Variants in CNTNAP2 observed in about 807,000 individuals in gnomAD.
The protein encoded by CNTNAP2 is contactin associated protein 2, also known as contactin-associated protein-like 2.
Under a neutral mutation model 155.2 loss-of-function variants are expected in CNTNAP2, and 98 were observed. The observed-to-expected ratio is 0.63, with a 90% CI of 0.54 to 0.75. The LOEUF (loss-of-function observed/expected upper bound fraction) is 0.75. CNTNAP2 is among the 30% of genes least tolerant of loss of function. The pLI is 0.00. For synonymous variants in CNTNAP2, 651 were observed against 631.2 expected (o/e 1.03, Z -0.47); for missense variants, 1,727 against 1,688.1 (o/e 1.02, Z -0.40).
At chr7:147,432,592 C>A (rs1033734441) in intron 10 of CNTNAP2, among the ~76,000 whole-genome samples, 3 of 152,148 alleles carry the variant, frequency 2.0e-5, no homozygotes, top group Non-Finnish European at 4.4e-5. Flanking sequence ...CAGTGAGCAC[C>A]AAGAAACCCC....
chr7:147,845,027 G>A (rs1297200317), intron 13 of CNTNAP2, among the ~76,000 whole-genome samples: 4 of 117,344 alleles, frequency 3.4e-5, no homozygotes, highest in African/African-American at 1.3e-4. Context: ...TTGCATCAAT[G>A]TTCATCAAGG....
At chr7:147,533,316 A>G (rs1172563935) in intron 11 of CNTNAP2, among the ~76,000 whole-genome samples, 1 of 152,174 alleles carries the variant, frequency 6.6e-6, no homozygotes, top group Non-Finnish European at 1.5e-5. Flanking sequence ...TGAATTTTTG[A>G]TGACCTGATT....
chr7:148,238,222 G>A (rs112805388), intron 20 of CNTNAP2, among the ~76,000 whole-genome samples: 3,130 of 152,256 alleles, frequency 0.021, 60 homozygotes, highest in Non-Finnish European at 0.031. Context: ...GGGGGTGCAC[G>A]CCTGTAGTCC....
At position 147,740,576 on chromosome 7, in the gene CNTNAP2, G is replaced by A. The variant is rs544577892; in HGVS notation, c.2098+101270G>A. Among the ~76,000 whole-genome samples the A allele has an allele frequency of 1.4e-4, 22 of 152,312 alleles. No homozygotes were observed. In the South Asian group the frequency reaches 4.3e-3, roughly 30 times the overall value. On this transcript the variant is annotated intron_variant, in intron 13 of 23. Transcript: ENST00000361727. ...GTTAAGTTGATCGGGTTAAGGTTCA[G>A]TTAGTCCAAGGTAGGGTTTATGAAT...
chr7:146,502,259 A>ATG, intron 1 of CNTNAP2, among the ~76,000 whole-genome samples: 1 of 128,302 alleles, frequency 7.8e-6, no homozygotes, highest in Non-Finnish European at 1.6e-5. Flanking sequence ...ATATATATAT[A>ATG]TGTCATATTT....
At chr7:146,618,914 AC>A (rs1202217367) in intron 1 of CNTNAP2, among the ~76,000 whole-genome samples, 2 of 151,964 alleles carry the variant, frequency 1.3e-5, no homozygotes, top group Non-Finnish European at 2.9e-5. Context: ...TACTAAAGAT[AC>A]AAAAATTAGC....
intron 1 of CNTNAP2, among the ~76,000 whole-genome samples, chr7:146,352,750 GTTTTTTT>G (rs531124445): frequency 4.7e-5 from 3 of 64,338 alleles, no homozygotes; most frequent in African/African-American, 1.3e-4. Flanking sequence ...GCATAATTCT[GTTTTTTT>G]TTTTTTTTTT....
chr7:146,550,404 T>TTTTG (rs1269972424), intron 1 of CNTNAP2, among the ~76,000 whole-genome samples: 4 of 100,392 alleles, frequency 4.0e-5, no homozygotes, highest in African/African-American at 1.3e-4. Flanking sequence ...TTAATCTGTT[T>TTTTG]TTTTTTTTTT....
intron 1 of CNTNAP2, among the ~76,000 whole-genome samples, chr7:146,569,110 G>T (rs1417323063): frequency 6.6e-6 from 1 of 152,044 alleles, no homozygotes; most frequent in South Asian, 2.1e-4. Context: ...GCTGCCTCCC[G>T]GGTTCACGCC....
chr7:148,274,480 A>G (rs564977790), intron 21 of CNTNAP2, among the ~76,000 whole-genome samples: 12 of 152,338 alleles, frequency 7.9e-5, no homozygotes, highest in Admixed American at 4.6e-4. Flanking sequence ...TGTTTGGATC[A>G]TGGTGGTGGA....
At chr7:147,552,106 G>A (rs1446444075) in intron 11 of CNTNAP2, among the ~76,000 whole-genome samples, 1 of 152,104 alleles carries the variant, frequency 6.6e-6, no homozygotes, top group Non-Finnish European at 1.5e-5. Context: ...ACAAAAAGGA[G>A]TTCTGATTCT....
chr7:147,668,014 A>G (rs1289480042), intron 13 of CNTNAP2, among the ~76,000 whole-genome samples: 1 of 152,138 alleles, frequency 6.6e-6, no homozygotes, highest in Non-Finnish European at 1.5e-5. Flanking sequence ...AAAATCAACA[A>G]GGTGGTGGTT....
intron 10 of CNTNAP2, among the ~76,000 whole-genome samples, chr7:147,485,599 G>T (rs755284800): frequency 6.6e-6 from 1 of 152,072 alleles, no homozygotes; most frequent in Admixed American, 6.6e-5. Flanking sequence ...GCTTATCTTC[G>T]ATCTTTCACC....
chr7:147,277,306 A>G (rs1337347722), intron 8 of CNTNAP2, among the ~76,000 whole-genome samples: 2 of 152,044 alleles, frequency 1.3e-5, no homozygotes, highest in Non-Finnish European at 2.9e-5. Flanking sequence ...AGGATGGTTC[A>G]GGTACATGTC....
At chr7:148,174,914 A>G (rs1034178333) in intron 18 of CNTNAP2, among the ~76,000 whole-genome samples, 6 of 151,684 alleles carry the variant, frequency 4.0e-5, no homozygotes, top group Non-Finnish European at 7.4e-5. Context: ...CCTTGCCGCC[A>G]ACCCCCCAAC....
At chr7:147,590,435 G>A (rs533730745) in intron 12 of CNTNAP2, among the ~76,000 whole-genome samples, 82 of 152,250 alleles carry the variant, frequency 5.4e-4, no homozygotes, top group African/African-American at 1.6e-3. Flanking sequence ...TTTATAAGGA[G>A]CTTCCCCCTT....
intron 14 of CNTNAP2, among the ~76,000 whole-genome samples, chr7:147,968,300 T>C (rs1801260770): frequency 6.6e-6 from 1 of 152,252 alleles, no homozygotes; most frequent in Admixed American, 6.5e-5. Context: ...GTAAAAGGCC[T>C]AGACTATTCT....
At chr7:146,370,260 T>TA (rs34996621) in intron 1 of CNTNAP2, among the ~76,000 whole-genome samples, 4,794 of 87,484 alleles carry the variant, frequency 0.055, 237 homozygotes, top group African/African-American at 0.07. Flanking sequence ...ATCTCTACTT[T>TA]AAAAAAAAAA....
intron 21 of CNTNAP2, among the ~76,000 whole-genome samples, chr7:148,288,454 C>A (rs1206296143): frequency 6.6e-6 from 1 of 152,110 alleles, no homozygotes; most frequent in Non-Finnish European, 1.5e-5. Flanking sequence ...ACCGCGATGA[C>A]CTTATCTAAT....
Sources: gnomAD v4.1 joint callset for allele counts (sites outside exome capture counted in the v4.1 genomes callset) on GRCh38, gnomAD v4.1.1 for gene constraint, MANE v1.5 for transcripts, NCBI Gene and HGNC (gene_info 2026-07-23, HGNC 2026-07-21) for gene names.